The following SRGAP2 variants were observed in gnomAD, a reference collection of about 807,000 sequenced individuals.
SRGAP2 encodes SLIT-ROBO Rho GTPase activating protein 2.
SRGAP2 carries 15 observed loss-of-function variants against 57.2 expected under a neutral mutation model. The observed-to-expected ratio is 0.26, with a 90% CI of 0.18 to 0.40. SRGAP2 has a LOEUF of 0.40. Among genes scored for constraint, SRGAP2 ranks in the 10% least tolerant of loss-of-function variants. The probability of loss-of-function intolerance (pLI) is 1.00; values close to 1 mark genes in which losing one functional copy is unlikely to be tolerated. For missense variants in SRGAP2, 520 were observed against 669.6 expected (o/e 0.78, Z 2.47); for synonymous variants, 249 against 248.0 (o/e 1.00, Z -0.04).
At chr1:206,361,306 T>C (rs1408759099) in intron 4 of SRGAP2, among the ~76,000 whole-genome samples, 3 of 149,016 alleles carry the variant, frequency 2.0e-5, no homozygotes, top group Admixed American at 6.7e-5. Context: ...AGAAGGAATA[T>C]AACAGGGTAA....
At chr1:206,383,473 G>T (rs1655899997) in intron 4 of SRGAP2, among the ~76,000 whole-genome samples, 1 of 152,102 alleles carries the variant, frequency 6.6e-6, no homozygotes, top group African/African-American at 2.4e-5. Context: ...TAATCTCACA[G>T]GCAGTCAATA....
Position 206,458,955 on chromosome 1 carries a change from T to G in SRGAP2, c.2832+8T>G. ...CCTGAGGTCATTGCTCAGGTAACTG[T>G]GGGCTCCTGGACAGACAGCATGAGT... On this transcript the variant is annotated splice_region_variant and intron_variant, in intron 22 of 22. Transcript: ENST00000573034. The G allele has an allele frequency of 1.3e-6, 1 of 754,832 alleles. No homozygotes were observed. Among genetic ancestry groups the G allele is most frequent in the Admixed American group, 1.8e-5 (1 of 56,178 alleles). 46.8% of individuals were successfully genotyped at this position (754,832 alleles called of 1,614,324 possible). A position where few individuals can be genotyped will look rare whatever the true frequency, so the allele number is the denominator to read the frequency against.
chr1:206,309,167 TAA>T (rs1334138473), intron 3 of SRGAP2, among the ~76,000 whole-genome samples: 9 of 131,656 alleles, frequency 6.8e-5, no homozygotes, highest in East Asian at 2.1e-4. Flanking sequence ...CCCTGTGTCT[TAA>T]AAAAAAAAAA....
rs782764709 is a variant in SRGAP2, at chr1:206,461,410, G to C, written c.3206G>C (p.Cys1069Ser). The C allele has an allele frequency of 1.3e-6, 1 of 772,222 alleles. No individual in the cohort carries two copies. Among genetic ancestry groups the C allele is most frequent in the Non-Finnish European group, 2.4e-6 (1 of 412,122 alleles). The allele number at this position is 772,222 out of a possible 1,614,324, so 47.8% of individuals were successfully genotyped here. Residue 1069 changes from cysteine to serine, a missense_variant, in exon 23 of 23, where the codon TGT becomes TCT. Physicochemically the swap from Cys to Ser is moderately radical, Grantham distance 112 (BLOSUM62 -1). Around this residue, in one of 5 missense-constraint regions of SRGAP2, gnomAD observed 478 missense variants for 373.6 expected, o/e 1.28. Transcript: ENST00000573034. ...STSPQSTDKS[C>S]TV ...TCCCCACAGTCTACTGACAAGTCTTGTACTGTCTGAGGGATAATAATTTAA... is the reference window on the plus strand; with the variant it reads ...TCCCCACAGTCTACTGACAAGTCTTCTACTGTCTGAGGGATAATAATTTAA...
chr1:206,230,692 T>C (rs1667579678), intron 2 of SRGAP2, among the ~76,000 whole-genome samples: 1 of 144,250 alleles, frequency 6.9e-6, no homozygotes, highest in Admixed American at 6.8e-5. Flanking sequence ...AGTGGTGCGA[T>C]CTCGGCTCAC....
At chr1:206,426,703 T>A (rs1261628799) in intron 13 of SRGAP2, among the ~76,000 whole-genome samples, 2 of 152,260 alleles carry the variant, frequency 1.3e-5, no homozygotes, top group African/African-American at 4.8e-5. Context: ...AAAATTTGCA[T>A]TTCTTATGAT....
chr1:206,394,217 T>C (rs1473156449), intron 7 of SRGAP2, among the ~76,000 whole-genome samples: 1 of 145,014 alleles, frequency 6.9e-6, no homozygotes, highest in African/African-American at 2.6e-5. Context: ...CAGCTAATTT[T>C]TGTATTTTTA....
In SRGAP2 at chr1:206,264,144, T is replaced by C. The variant is rs1422248235; in HGVS notation, c.68-39137T>C. 3.9e-5 allele frequency among the ~76,000 whole-genome samples: 6 copies of C among 152,010 alleles called. No individual in the cohort carries two copies. In the East Asian group the frequency reaches 9.6e-4, roughly 24 times the overall value. ...GTGTCCCGCTGGGTTTAGTGGAAGA[T>C]GAAATCTGAGCTTTGTTTATGTGCT... On this transcript the variant is annotated intron_variant, in intron 2 of 22. Transcript: ENST00000573034.
chr1:206,409,155 CA>C (rs1241490495), intron 10 of SRGAP2, among the ~76,000 whole-genome samples: 3 of 94,260 alleles, frequency 3.2e-5, no homozygotes, highest in Non-Finnish European at 6.2e-5. Flanking sequence ...GTTGCCTCTG[CA>C]AACATTGCCC....
Position 206,452,113 on chromosome 1 carries a change from GA to G in SRGAP2, c.2180-1086del, listed in dbSNP as rs573705595. Among the ~76,000 whole-genome samples, 48 of 152,268 alleles carry G rather than the reference GA, an allele frequency of 3.2e-4. No homozygotes were observed. The East Asian group carries it at 8.5e-3, about 27-fold the overall frequency. On this transcript the variant is annotated intron_variant, in intron 19 of 22. Transcript: ENST00000573034. Reference sequence around the variant, plus strand: ...CACACATACCACTTACTATGGGCGGGACACTGTTCTAAGCACTTTTACAAAT... The same window carrying G: ...CACACATACCACTTACTATGGGCGGGCACTGTTCTAAGCACTTTTACAAAT...
chr1:206,375,419 G>T (rs1478616943), intron 4 of SRGAP2, among the ~76,000 whole-genome samples: 2 of 151,998 alleles, frequency 1.3e-5, no homozygotes, highest in Non-Finnish European at 2.9e-5. Flanking sequence ...AGAGATCAGG[G>T]CCTGAAGACA....
intron 22 of SRGAP2, among the ~76,000 whole-genome samples, chr1:206,460,194 T>G (rs1553379958): frequency 6.6e-6 from 1 of 152,118 alleles, no homozygotes; most frequent in Non-Finnish European, 1.5e-5. Flanking sequence ...CAAGAAGAAA[T>G]CCTGTGGTAG....
chr1:206,438,821 A>G (rs1662011804), intron 16 of SRGAP2, among the ~76,000 whole-genome samples: 1 of 152,184 alleles, frequency 6.6e-6, no homozygotes, highest in Admixed American at 6.5e-5. Flanking sequence ...GAATGGAGAA[A>G]AGATCCTTCT....
At chr1:206,303,886 T>TCACACACACACA (rs1376040852) in intron 3 of SRGAP2, among the ~76,000 whole-genome samples, 4 of 132,978 alleles carry the variant, frequency 3.0e-5, no homozygotes, top group African/African-American at 1.3e-4. Flanking sequence ...TCTCTCTCTC[T>TCACACACACACA]CTCACACACA....
chr1:206,356,549 A>G (rs1676451070), intron 4 of SRGAP2, among the ~76,000 whole-genome samples: 1 of 152,198 alleles, frequency 6.6e-6, no homozygotes, highest in African/African-American at 2.4e-5. Flanking sequence ...CAGAATTTCC[A>G]TTGTGCTATT....
rs1453639885 is a variant in SRGAP2, at chr1:206,294,635, T to G, written c.68-8646T>G. Reference sequence around the variant, plus strand: ...TACGTGTTATTGCTAATGATTGGTGTTGTTATGTGCAGGGATTTTCCACTC... The same window carrying G: ...TACGTGTTATTGCTAATGATTGGTGGTGTTATGTGCAGGGATTTTCCACTC... On this transcript the variant is annotated intron_variant, in intron 2 of 22. Transcript: ENST00000573034. Among the ~76,000 whole-genome samples, 4 of 141,300 alleles carry G rather than the reference T, an allele frequency of 2.8e-5. 1 individual carries two copies. The highest frequency in any genetic ancestry group is 6.2e-5 in the African/African-American group (2 of 32,378). 92.7% of individuals were successfully genotyped at this position (141,300 alleles called of 152,430 possible). A position where few individuals can be genotyped will look rare whatever the true frequency, so the allele number is the denominator to read the frequency against.
chr1:206,369,808 A>T (rs1654358966), intron 4 of SRGAP2, among the ~76,000 whole-genome samples: 1 of 152,240 alleles, frequency 6.6e-6, no homozygotes, highest in Non-Finnish European at 1.5e-5. Context: ...TGCTGGTAAG[A>T]TTGTGAAATG....
chr1:206,260,030 G>T (rs200142079), intron 2 of SRGAP2, among the ~76,000 whole-genome samples: 13,759 of 38,220 alleles, frequency 0.36, 2,639 homozygotes, highest in East Asian at 0.68. Flanking sequence ...TAGGGAAGGA[G>T]GACCACTCTC....
At position 206,446,314 on chromosome 1, in the gene SRGAP2, G is replaced by A. The variant is rs1553373807; in HGVS notation, c.2099+15G>A. The A allele has an allele frequency of 1.3e-6, 1 of 780,288 alleles. No individual in the cohort carries two copies. Among genetic ancestry groups the A allele is most frequent in the South Asian group, 1.3e-5 (1 of 74,602 alleles). The allele number at this position is 780,288 out of a possible 1,614,324, so 48.3% of individuals were successfully genotyped here. A position where few individuals can be genotyped will look rare whatever the true frequency, so the allele number is the denominator to read the frequency against. ...GAGGATTACTGGTAGGGGGGCTTGG[G>A]ACGGGAGGAGGGGAGGGATTCACTA... On this transcript the variant is annotated intron_variant, in intron 18 of 22. Coordinates refer to ENST00000573034, the MANE Select transcript of SRGAP2 (RefSeq NM_015326.5).
Sources: allele counts gnomAD v4.1 joint callset (sites outside exome capture counted in the v4.1 genomes callset), GRCh38; gene constraint gnomAD v4.1.1; regional missense constraint gnomAD v4.1.1; transcripts MANE v1.5; gene names NCBI Gene and HGNC (gene_info 2026-07-23, HGNC 2026-07-21).